Variants in FOXP1 observed in about 807,000 individuals in gnomAD.
The protein encoded by FOXP1 is forkhead box protein P1.
In FOXP1, 15 loss-of-function variants were observed where a neutral mutation model predicts 98.2. The ratio of observed to expected loss-of-function variants is 0.15; its 90% confidence interval spans 0.10 to 0.24. The LOEUF is 0.24. Among genes scored for constraint, FOXP1 ranks in the 10% least tolerant of loss-of-function variants. FOXP1 has a pLI of 1.00. For missense variants in FOXP1, 633 were observed against 848.5 expected, an observed-to-expected ratio of 0.75 and a Z score of 3.15; for synonymous variants, 371 against 314.5, an observed-to-expected ratio of 1.18 and a Z score of -1.90.
chr3:71,086,970 C>G (rs2055174540), intron 7 of FOXP1, among the ~76,000 whole-genome samples: 1 of 152,176 alleles, frequency 6.6e-6, no homozygotes, highest in Admixed American at 6.5e-5. Context: ...ACACAAGCTA[C>G]ATGTGTGTTC....
intron 5 of FOXP1, among the ~76,000 whole-genome samples, chr3:71,230,730 C>T (rs1420957675): frequency 1.3e-5 from 2 of 152,044 alleles, no homozygotes; most frequent in Non-Finnish European, 2.9e-5. Flanking sequence ...TGGGAAGAGC[C>T]AAGAGAAAAC....
intron 6 of FOXP1, among the ~76,000 whole-genome samples, chr3:71,169,903 C>T (rs528364501): frequency 6.6e-6 from 1 of 152,190 alleles, no homozygotes; most frequent in Admixed American, 6.5e-5. Flanking sequence ...TTTGCAACCT[C>T]CATCATATTT....
intron 3 of FOXP1, among the ~76,000 whole-genome samples, chr3:71,402,376 G>T (rs2082007798): frequency 6.6e-6 from 1 of 152,118 alleles, no homozygotes; most frequent in African/African-American, 2.4e-5. Flanking sequence ...GATCGCTTGA[G>T]CCTGGAAGGT....
chr3:71,548,489 T>A (rs1176206608), intron 2 of FOXP1, among the ~76,000 whole-genome samples: 2 of 152,134 alleles, frequency 1.3e-5, no homozygotes, highest in Non-Finnish European at 2.9e-5. Flanking sequence ...TGATGCAACC[T>A]CAACCGTCAG....
At chr3:70,989,486 A>T (rs1247292945) in intron 13 of FOXP1, among the ~76,000 whole-genome samples, 1 of 152,178 alleles carries the variant, frequency 6.6e-6, no homozygotes, top group Non-Finnish European at 1.5e-5. Context: ...AGCCAAACTA[A>T]AAGATTCTCT....
At chr3:71,048,308 AACCTAACACATG>A (rs1301052465) in intron 9 of FOXP1, among the ~76,000 whole-genome samples, 6 of 152,228 alleles carry the variant, frequency 3.9e-5, no homozygotes, top group African/African-American at 1.4e-4. Context: ...GCATTCACTT[AACCTAACACATG>A]ACCTTGATCT....
At chr3:71,441,519 C>G (rs979367718) in intron 3 of FOXP1, among the ~76,000 whole-genome samples, 2 of 152,224 alleles carry the variant, frequency 1.3e-5, no homozygotes, top group African/African-American at 4.8e-5. Context: ...TGAGTAGTCA[C>G]TAACATGTCA....
chr3:71,267,045 T>C (rs76517222), intron 5 of FOXP1, among the ~76,000 whole-genome samples: 2 of 152,114 alleles, frequency 1.3e-5, no homozygotes, highest in East Asian at 3.9e-4. Flanking sequence ...TTGGGCCACA[T>C]CACCTCAATA....
chr3:71,281,337 T>G (rs753152713), intron 5 of FOXP1, among the ~76,000 whole-genome samples: 9 of 152,176 alleles, frequency 5.9e-5, no homozygotes, highest in Admixed American at 3.3e-4. Flanking sequence ...TCACTCTCTC[T>G]TTCTCCTTCA....
chr3:71,024,477 G>A (rs1228119957), intron 11 of FOXP1, among the ~76,000 whole-genome samples: 1 of 152,168 alleles, frequency 6.6e-6, no homozygotes, highest in Non-Finnish European at 1.5e-5. Flanking sequence ...TTTTATTAAA[G>A]CCTATTAAAG....
At chr3:71,445,225 G>C (rs1394787178) in intron 3 of FOXP1, among the ~76,000 whole-genome samples, 3 of 152,206 alleles carry the variant, frequency 2.0e-5, no homozygotes, top group Non-Finnish European at 1.5e-5. Flanking sequence ...CAAACCGTAA[G>C]TGGCAAAAGC....
At chr3:71,014,754 A>G (rs1559723011) in intron 12 of FOXP1, among the ~76,000 whole-genome samples, 1 of 152,220 alleles carries the variant, frequency 6.6e-6, no homozygotes, top group Non-Finnish European at 1.5e-5. Context: ...ATGTCCATCA[A>G]TGATAGACTG....
At chr3:71,365,618 T>C (rs1342023582) in intron 3 of FOXP1, among the ~76,000 whole-genome samples, 4 of 152,124 alleles carry the variant, frequency 2.6e-5, no homozygotes. Flanking sequence ...GAGACAGAAA[T>C]GACATCCACT....
intron 14 of FOXP1, among the ~76,000 whole-genome samples, chr3:70,985,531 C>T: frequency 6.6e-6 from 1 of 152,020 alleles, no homozygotes; most frequent in African/African-American, 2.4e-5. Flanking sequence ...TTTCTATTTT[C>T]CAATAAATGA....
At chr3:71,069,940 C>T (rs1433534764) in intron 7 of FOXP1, among the ~76,000 whole-genome samples, 1 of 152,202 alleles carries the variant, frequency 6.6e-6, no homozygotes, top group Non-Finnish European at 1.5e-5. Flanking sequence ...CGTGTCCCAT[C>T]CTGCCCTCAG....
At chr3:71,369,639 C>T (rs966262544) in intron 3 of FOXP1, among the ~76,000 whole-genome samples, 12 of 152,202 alleles carry the variant, frequency 7.9e-5, no homozygotes, top group African/African-American at 2.6e-4. Flanking sequence ...GTGATCCGCC[C>T]GCCTCAGTCT....
intron 4 of FOXP1, among the ~76,000 whole-genome samples, chr3:71,330,015 C>A (rs920056773): frequency 6.6e-6 from 1 of 151,928 alleles, no homozygotes. Flanking sequence ...TTGAGACTAG[C>A]CTAGGCAACA....
chr3:71,228,548 C>A (rs762384352), intron 5 of FOXP1, among the ~76,000 whole-genome samples: 1 of 152,096 alleles, frequency 6.6e-6, no homozygotes, highest in African/African-American at 2.4e-5. Flanking sequence ...CATAAAGCAG[C>A]GCAATGACAA....
intron 2 of FOXP1, among the ~76,000 whole-genome samples, chr3:71,505,261 C>A (rs1254253650): frequency 6.6e-6 from 1 of 152,000 alleles, no homozygotes; most frequent in Non-Finnish European, 1.5e-5. Context: ...CAGGCAAACC[C>A]GGGAAGCAGA....
Sources: gnomAD v4.1 joint callset for allele counts (sites outside exome capture counted in the v4.1 genomes callset) on GRCh38, gnomAD v4.1.1 for gene constraint, MANE v1.5 for transcripts, NCBI Gene and HGNC (gene_info 2026-07-23, HGNC 2026-07-21) for gene names.